Variants in CNTLN observed in about 807,000 individuals in gnomAD.
The protein encoded by CNTLN is centlein, centrosomal protein.
CNTLN carries 212 observed loss-of-function variants against 180.0 expected under a neutral mutation model. The observed-to-expected ratio is 1.18, with a 90% CI of 1.05 to 1.32. The LOEUF is 1.32. Ranked by LOEUF, CNTLN falls within the 40% of genes most tolerant of loss-of-function variation. The pLI, the probability that CNTLN is intolerant of heterozygous loss-of-function variation, is 0.00. For missense variants in CNTLN, 2,095 were observed against 1,610.9 expected (o/e 1.30, Z -5.14); for synonymous variants, 722 against 563.1 (o/e 1.28, Z -3.99).
chr9:17,288,811 C>G (rs1363008687), intron 6 of CNTLN, among the ~76,000 whole-genome samples: 4 of 132,642 alleles, frequency 3.0e-5, no homozygotes, highest in Non-Finnish European at 4.7e-5. Flanking sequence ...TCTGTTTTAT[C>G]AAGAGACTAG....
At chr9:17,439,732 C>G (rs115430751) in intron 18 of CNTLN, among the ~76,000 whole-genome samples, 1,543 of 152,260 alleles carry the variant, frequency 0.01, 18 homozygotes, top group African/African-American at 0.035. Flanking sequence ...AAAGTGGAGC[C>G]TTTGAGAATT....
At chr9:17,459,404 A>G (rs1281154208) in intron 19 of CNTLN, among the ~76,000 whole-genome samples, 2 of 151,762 alleles carry the variant, frequency 1.3e-5, no homozygotes, top group African/African-American at 4.8e-5. Context: ...ATTGTCCATA[A>G]TCTAACATAG....
chr9:17,421,387 G>A (rs564695537), intron 18 of CNTLN, among the ~76,000 whole-genome samples: 1 of 151,988 alleles, frequency 6.6e-6, no homozygotes, highest in African/African-American at 2.4e-5. Flanking sequence ...AGTATAGCTA[G>A]TCATGTTCTT....
chr9:17,431,142 G>C lies in CNTLN; in HGVS notation c.3114+14953G>C, dbSNP rs184967065. On this transcript the variant is annotated intron_variant, in intron 18 of 25. Coordinates refer to ENST00000380647, the MANE Select transcript of CNTLN (RefSeq NM_017738.4). ...AAGAAACTCCATACTGTTTTCCATA[G>C]TGGTGTACTAATTTGCATGTCCATC... Among the ~76,000 whole-genome samples, 410 of 152,096 alleles carry C rather than the reference G, an allele frequency of 2.7e-3. 2 individuals are homozygous for C. The highest frequency in any genetic ancestry group is 4.3e-3 in the Non-Finnish European group (290 of 67,914).
At chr9:17,277,715 G>C (rs1009057796) in intron 6 of CNTLN, among the ~76,000 whole-genome samples, 7 of 151,938 alleles carry the variant, frequency 4.6e-5, no homozygotes, top group Non-Finnish European at 1.0e-4. Context: ...AAACTTAATT[G>C]CATCTTTTAT....
intron 2 of CNTLN, among the ~76,000 whole-genome samples, chr9:17,214,395 T>C (rs1823574399): frequency 6.6e-6 from 1 of 152,266 alleles, no homozygotes; most frequent in Non-Finnish European, 1.5e-5. Flanking sequence ...CACTCTCTTC[T>C]GGCTTGCAGA....
chr9:17,364,097 T>G (rs944519682), intron 12 of CNTLN, among the ~76,000 whole-genome samples: 6 of 152,204 alleles, frequency 3.9e-5, no homozygotes, highest in Middle Eastern at 3.4e-3. Context: ...GTGAACAGAG[T>G]TTTATTTACT....
intron 12 of CNTLN, among the ~76,000 whole-genome samples, chr9:17,347,625 T>C (rs929731197): frequency 2.8e-5 from 4 of 145,138 alleles, no homozygotes; most frequent in South Asian, 2.2e-4. Context: ...ACCGAGATCA[T>C]GCCATTGCAC....
intron 5 of CNTLN, among the ~76,000 whole-genome samples, chr9:17,266,682 T>C (rs1384084128): frequency 6.6e-6 from 1 of 152,192 alleles, no homozygotes; most frequent in East Asian, 1.9e-4. Flanking sequence ...TAAGTCTCTT[T>C]GTAGGTTACT....
In CNTLN at chr9:17,497,888, A is replaced by G. The variant is rs148658409; in HGVS notation, c.4120-4663A>G. ...CAGATTTGTGTGTGTGCTTGTATGT[A>G]TATATATGTATGTAAATAAATGCAT... On this transcript the variant is annotated intron_variant, in intron 25 of 25. Transcript: ENST00000380647. Among the ~76,000 whole-genome samples, 6 of 152,306 alleles carry G rather than the reference A, an allele frequency of 3.9e-5. No individual in the cohort carries two copies. In the East Asian group the frequency reaches 9.6e-4, roughly 24 times the overall value.
At chr9:17,150,235 T>G (rs1818763668) in intron 2 of CNTLN, among the ~76,000 whole-genome samples, 1 of 152,224 alleles carries the variant, frequency 6.6e-6, no homozygotes, top group Non-Finnish European at 1.5e-5. Context: ...CATGCATATG[T>G]CCTGAATGGT....
chr9:17,467,924 TA>T (rs571538405), intron 23 of CNTLN, among the ~76,000 whole-genome samples: 205 of 151,700 alleles, frequency 1.4e-3, no homozygotes, highest in Non-Finnish European at 2.3e-3. Flanking sequence ...CCTTCTACCA[TA>T]AAGACACATG....
At chr9:17,157,965 C>T (rs1455219190) in intron 2 of CNTLN, among the ~76,000 whole-genome samples, 1 of 152,150 alleles carries the variant, frequency 6.6e-6, no homozygotes, top group East Asian at 1.9e-4. Context: ...ATTAAAACTA[C>T]CTTCAGGCTA....
At chr9:17,247,779 C>CT (rs572267371) in intron 5 of CNTLN, among the ~76,000 whole-genome samples, 3,196 of 108,426 alleles carry the variant, frequency 0.029, 121 homozygotes, top group African/African-American at 0.091. Flanking sequence ...AATACTTTTA[C>CT]TTTTTTTTTT....
At chr9:17,404,556 C>A (rs1445404090) in intron 15 of CNTLN, among the ~76,000 whole-genome samples, 2 of 151,596 alleles carry the variant, frequency 1.3e-5, no homozygotes, top group African/African-American at 2.4e-5. Context: ...GCAATTATCC[C>A]AATTATTGAG....
chr9:17,283,581 C>G (rs537518494), intron 6 of CNTLN, among the ~76,000 whole-genome samples: 4 of 152,032 alleles, frequency 2.6e-5, no homozygotes, highest in East Asian at 1.9e-4. Flanking sequence ...ATTTGAATAC[C>G]CTTTGTTTCT....
intron 5 of CNTLN, among the ~76,000 whole-genome samples, chr9:17,240,123 C>CTTA (rs1157686263): frequency 1.3e-5 from 2 of 151,998 alleles, no homozygotes; most frequent in African/African-American, 4.8e-5. Context: ...TTATTTTGGT[C>CTTA]TTCAATTTTT....
chr9:17,394,485 A>C, intron 14 of CNTLN, 49 bp from the exon 15 acceptor site: 1 of 1,226,732 alleles, frequency 8.2e-7, no homozygotes, highest in Non-Finnish European at 1.1e-6. Context: ...AATAAAGTAT[A>C]GTAGATTATG....
At chr9:17,325,514 G>A (rs562777470) in intron 8 of CNTLN, among the ~76,000 whole-genome samples, 45 of 147,644 alleles carry the variant, frequency 3.0e-4, no homozygotes, top group African/African-American at 9.2e-4. Flanking sequence ...TGATATATAC[G>A]TGTATGTTAG....
Sources: allele counts gnomAD v4.1 joint callset (sites outside exome capture counted in the v4.1 genomes callset), GRCh38; gene constraint gnomAD v4.1.1; transcripts MANE v1.5; gene names NCBI Gene and HGNC (gene_info 2026-07-23, HGNC 2026-07-21).